RNF216: variants seen among roughly 807,000 people sequenced by gnomAD.
RNF216 encodes the protein ring finger protein 216.
In RNF216, 72 loss-of-function variants were observed where a neutral mutation model predicts 110.8. The observed-to-expected ratio is 0.65, with a 90% CI of 0.54 to 0.79. RNF216 has a LOEUF of 0.79. Ranked by LOEUF, RNF216 falls within the 30% of genes least tolerant of loss-of-function variation. The probability of loss-of-function intolerance (pLI) is 0.00; values close to 1 mark genes in which losing one functional copy is unlikely to be tolerated. For missense variants in RNF216, 1,342 were observed against 1,141.2 expected, an observed-to-expected ratio of 1.18 and a Z score of -2.54; for synonymous variants, 495 against 407.5, an observed-to-expected ratio of 1.21 and a Z score of -2.59.
intron 7 of RNF216, among the ~76,000 whole-genome samples, chr7:5,725,926 C>G (rs1312638149): frequency 6.7e-6 from 1 of 150,074 alleles, no homozygotes; most frequent in East Asian, 2.0e-4. Context: ...CTTTCATAAA[C>G]TGGTACGGTG....
At chr7:5,692,228 C>T (rs1377564119) in intron 13 of RNF216, among the ~76,000 whole-genome samples, 2 of 152,212 alleles carry the variant, frequency 1.3e-5, no homozygotes, top group Admixed American at 1.3e-4. Flanking sequence ...TTTATATGTA[C>T]ACTGCCTTCT....
intron 14 of RNF216, among the ~76,000 whole-genome samples, chr7:5,648,670 G>T (rs1448007840): frequency 6.6e-6 from 1 of 151,020 alleles, no homozygotes; most frequent in Non-Finnish European, 1.5e-5. Context: ...AGAGCTTGCA[G>T]TGAGCCGAGA....
chr7:5,711,426 A>G (rs1792681538), intron 13 of RNF216, among the ~76,000 whole-genome samples: 1 of 152,216 alleles, frequency 6.6e-6, no homozygotes, highest in Admixed American at 6.5e-5. Flanking sequence ...GGGCTATTTG[A>G]GCACAGGTGG....
intron 2 of RNF216, among the ~76,000 whole-genome samples, chr7:5,754,344 G>C (rs1200060258): frequency 6.6e-6 from 1 of 151,506 alleles, no homozygotes; most frequent in Admixed American, 6.6e-5. Flanking sequence ...ATTTTTTTTT[G>C]TAGAGATGGA....
intron 1 of RNF216, among the ~76,000 whole-genome samples, chr7:5,765,588 C>T (rs982401133): frequency 2.0e-5 from 3 of 151,928 alleles, no homozygotes; most frequent in Non-Finnish European, 4.4e-5. Context: ...CACCATCATG[C>T]CACTGCACTC....
intron 15 of RNF216, among the ~76,000 whole-genome samples, chr7:5,638,190 T>C (rs578223730): frequency 6.6e-6 from 1 of 152,378 alleles, no homozygotes; most frequent in East Asian, 1.9e-4. Context: ...TTGTTTTCGA[T>C]GTGAAAATCT....
chr7:5,672,383 C>T (rs770694080), intron 13 of RNF216, among the ~76,000 whole-genome samples: 16 of 152,162 alleles, frequency 1.1e-4, no homozygotes, highest in South Asian at 1.0e-3. Flanking sequence ...TCTGCAAAAA[C>T]GCCAAGTTGG....
chr7:5,721,290 G>T, intron 8 of RNF216, 118 bp from the exon 9 acceptor site: 1 of 890,666 alleles, frequency 1.1e-6, no homozygotes, highest in Non-Finnish European at 1.7e-6. Context: ...TACGTTTCAT[G>T]ACTTTTCTAT....
intron 2 of RNF216, among the ~76,000 whole-genome samples, chr7:5,755,724 G>A (rs1484669958): frequency 6.6e-6 from 1 of 152,196 alleles, no homozygotes; most frequent in Non-Finnish European, 1.5e-5. Flanking sequence ...GTATGTGGCA[G>A]TTTAGGCTAC....
intron 13 of RNF216, among the ~76,000 whole-genome samples, chr7:5,701,963 G>T (rs541456191): frequency 6.6e-6 from 1 of 152,194 alleles, no homozygotes; most frequent in African/African-American, 2.4e-5. Context: ...ACCCAGGAAG[G>T]CAGCTCAGGA....
At chr7:5,631,875 G>A (rs1013939755) in intron 15 of RNF216, among the ~76,000 whole-genome samples, 1 of 152,154 alleles carries the variant, frequency 6.6e-6, no homozygotes, top group African/African-American at 2.4e-5. Flanking sequence ...AGAAGGTCAC[G>A]CTCTGCCCCC....
chr7:5,679,144 A>C (rs1473270872), intron 13 of RNF216, among the ~76,000 whole-genome samples: 1 of 152,218 alleles, frequency 6.6e-6, no homozygotes, highest in Non-Finnish European at 1.5e-5. Flanking sequence ...CAAGTCATTT[A>C]ATCCTCCTAA....
intron 9 of RNF216, among the ~76,000 whole-genome samples, chr7:5,718,548 C>T (rs1793209195): frequency 6.6e-6 from 1 of 151,424 alleles, no homozygotes; most frequent in South Asian, 2.1e-4. Flanking sequence ...AAATAACCCA[C>T]CCTTTTTTTT....
At chr7:5,695,104 G>C (rs1289603028) in intron 13 of RNF216, among the ~76,000 whole-genome samples, 1 of 152,152 alleles carries the variant, frequency 6.6e-6, no homozygotes, top group East Asian at 1.9e-4. Flanking sequence ...ATATAGCCAA[G>C]AAGTTCAATG....
At chr7:5,767,394 G>C (rs1462377615) in intron 1 of RNF216, among the ~76,000 whole-genome samples, 1 of 152,118 alleles carries the variant, frequency 6.6e-6, no homozygotes, top group African/African-American at 2.4e-5. Flanking sequence ...GTTTGGGGCT[G>C]CCAAAGTAGC....
intron 14 of RNF216, among the ~76,000 whole-genome samples, chr7:5,641,685 C>T (rs181799229): frequency 6.0e-4 from 91 of 152,242 alleles, no homozygotes; most frequent in Non-Finnish European, 1.2e-3. Context: ...GTGCCCAGTA[C>T]TCAGCATTTA....
At chr7:5,656,523 C>G (rs574798680) in intron 13 of RNF216, among the ~76,000 whole-genome samples, 2 of 152,248 alleles carry the variant, frequency 1.3e-5, no homozygotes, top group Non-Finnish European at 2.9e-5. Context: ...TCACCGTCAT[C>G]CCAAATACAG....
intron 13 of RNF216, among the ~76,000 whole-genome samples, chr7:5,685,880 T>C (rs576329471): frequency 3.9e-5 from 6 of 152,350 alleles, no homozygotes; most frequent in African/African-American, 9.6e-5. Context: ...ATTCTTTATA[T>C]TTGGAGCACT....
chr7:5,684,954 C>A (rs937200064), intron 13 of RNF216, among the ~76,000 whole-genome samples: 5 of 152,034 alleles, frequency 3.3e-5, no homozygotes, highest in African/African-American at 1.2e-4. Flanking sequence ...ACCCCACAGG[C>A]TTCAGGATGT....
Sources: allele counts gnomAD v4.1 joint callset (sites outside exome capture counted in the v4.1 genomes callset), GRCh38; gene constraint gnomAD v4.1.1; transcripts MANE v1.5; gene names NCBI Gene and HGNC (gene_info 2026-07-23, HGNC 2026-07-21).